Variants in PCDHA2 observed in about 807,000 individuals in gnomAD.
The protein encoded by PCDHA2 is protocadherin alpha-2.
PCDHA2 carries 58 observed loss-of-function variants against 66.0 expected under a neutral mutation model. That is an observed-to-expected ratio of 0.88 (90% CI 0.71 to 1.09). PCDHA2 has a LOEUF of 1.09. PCDHA2 is among the 50% of genes least tolerant of loss of function. PCDHA2 has a pLI of 0.00. For synonymous variants in PCDHA2, 634 were observed against 554.0 expected (o/e 1.14, Z -2.03); for missense variants, 1,267 against 1,242.3 (o/e 1.02, Z -0.30).
chr5:140,836,103 G>C, intron 1 of PCDHA2: 1 of 1,613,736 alleles, frequency 6.2e-7, no homozygotes, highest in Non-Finnish European at 8.5e-7. Flanking sequence ...GGGTGGCACT[G>C]GTGGCGCAGT....
At chr5:140,808,356 C>T (rs1554124492) in intron 1 of PCDHA2, 38 of 1,614,212 alleles carry the variant, frequency 2.4e-5, no homozygotes, top group Non-Finnish European at 3.2e-5. Flanking sequence ...TGCTCCTTGA[C>T]GTCCCACGTC....
intron 1 of PCDHA2, among the ~76,000 whole-genome samples, chr5:140,893,391 G>A (rs1481818388): frequency 6.6e-6 from 1 of 152,158 alleles, no homozygotes; most frequent in Non-Finnish European, 1.5e-5. Context: ...AGTGGCTCAT[G>A]CCTGTAATCC....
At chr5:140,966,522 G>A (rs1350046535) in intron 1 of PCDHA2, 2 of 437,040 alleles carry the variant, frequency 4.6e-6, no homozygotes, top group Non-Finnish European at 7.9e-6. Flanking sequence ...GCAGGAAGCC[G>A]AGCCGGGTTG....
intron 2 of PCDHA2, among the ~76,000 whole-genome samples, chr5:140,981,266 A>C (rs1355658823): frequency 6.6e-6 from 1 of 152,166 alleles, no homozygotes; most frequent in Non-Finnish European, 1.5e-5. Context: ...AAGATAAGCA[A>C]ATGTCTAGTT....
At chr5:140,802,067 G>T in intron 1 of PCDHA2, 1 of 1,614,120 alleles carries the variant, frequency 6.2e-7, no homozygotes, top group East Asian at 2.2e-5. Flanking sequence ...CAGATATTCT[G>T]TCAAAATTCC....
At chr5:140,884,520 C>A (rs782029549) in intron 1 of PCDHA2, 1 of 1,614,036 alleles carries the variant, frequency 6.2e-7, no homozygotes, top group Non-Finnish European at 8.5e-7. Flanking sequence ...TGGTCGTACT[C>A]GCAGCAGAGG....
At chr5:140,914,802 T>C (rs2076849351) in intron 1 of PCDHA2, among the ~76,000 whole-genome samples, 1 of 152,202 alleles carries the variant, frequency 6.6e-6, no homozygotes, top group African/African-American at 2.4e-5. Flanking sequence ...TTTAAACTGA[T>C]GGCAACTTAA....
chr5:140,850,739 G>A, intron 1 of PCDHA2: 2 of 1,598,040 alleles, frequency 1.3e-6, no homozygotes, highest in Non-Finnish European at 1.7e-6. Context: ...TGGGGAGTTG[G>A]TCGTACTCGC....
In PCDHA2 at chr5:140,797,084, T is replaced by C. The variant is rs139680439; in HGVS notation, c.2120T>C (p.Val707Ala). The C allele has an allele frequency of 3.9e-5, 63 of 1,613,900 alleles. 1 individual carries two copies. The African/African-American group carries it at 7.7e-4, about 20-fold the overall frequency. The change falls in exon 1 of 4, where the codon GTA becomes GCA. Residue 707 changes from valine (V) to alanine (A), a missense_variant. Coordinates refer to ENST00000526136, the MANE Select transcript of PCDHA2 (RefSeq NM_018905.3). Reference sequence around the variant, plus strand: ...TACCTGATCATCGCCATCTGCGCGGTATCCAGCCTGTTGGTGCTCACGGTG... The same window carrying C: ...TACCTGATCATCGCCATCTGCGCGGCATCCAGCCTGTTGGTGCTCACGGTG... ...NVYLIIAICA[V>A]SSLLVLTVLL...
intron 1 of PCDHA2, among the ~76,000 whole-genome samples, chr5:140,908,899 C>CT (rs1382483322): frequency 6.6e-6 from 1 of 152,194 alleles, no homozygotes; most frequent in Non-Finnish European, 1.5e-5. Flanking sequence ...AAATAAGCCT[C>CT]TTTCGTGGTT....
chr5:140,893,388 CATG>C (rs2063965035), intron 1 of PCDHA2, among the ~76,000 whole-genome samples: 1 of 152,132 alleles, frequency 6.6e-6, no homozygotes, highest in South Asian at 2.1e-4. Context: ...GACAGTGGCT[CATG>C]CCTGTAATCC....
At chr5:140,978,520 C>T (rs2096807249) in intron 1 of PCDHA2, among the ~76,000 whole-genome samples, 1 of 152,214 alleles carries the variant, frequency 6.6e-6, no homozygotes, top group Non-Finnish European at 1.5e-5. Flanking sequence ...GCAGTCCAGC[C>T]AGGCCAGCAG....
Position 140,821,939 on chromosome 5 carries a change from T to A in PCDHA2, c.2388+24587T>A, listed in dbSNP as rs1489594873. 36 of 1,614,162 alleles carry A rather than the reference T, an allele frequency of 2.2e-5. No homozygotes were observed. Among genetic ancestry groups the A allele is most frequent in the Non-Finnish European group, 2.7e-5 (32 of 1,180,042 alleles). ...ATCGCGCAGGACCTAGGGCTGGAGCTGGCGGAGCTGGTGCCGCGCCTGTTC... is the reference window on the plus strand; with the variant it reads ...ATCGCGCAGGACCTAGGGCTGGAGCAGGCGGAGCTGGTGCCGCGCCTGTTC... On this transcript the variant is annotated intron_variant, in intron 1 of 3. Coordinates refer to ENST00000526136, the MANE Select transcript of PCDHA2 (RefSeq NM_018905.3).
In PCDHA2 at chr5:140,982,563, G is replaced by C; in HGVS notation, c.2536G>C (p.Glu846Gln). 3 of 1,614,072 alleles carry C rather than the reference G, an allele frequency of 1.9e-6. No homozygotes were observed. The highest frequency in any genetic ancestry group is 2.5e-6 in the Non-Finnish European group (3 of 1,179,960). The change falls in exon 3 of 4, where the codon GAA (glutamate) becomes CAA (glutamine). Residue 846 changes from glutamate (E) to glutamine (Q), a missense_variant and splice_region_variant. By Grantham distance (29) the Glu-to-Gln change is conservative (BLOSUM62 2). Transcript: ENST00000526136. Reference protein sequence around the residue: ...QWPTVSSATPEPEAGEVSPPV... With the variant: ...QWPTVSSATPQPEAGEVSPPV... Reference sequence around the variant, plus strand: ...GCCAACAGTATCCAGTGCAACACCAGGTAAAGAGCTGGGGTCTCTCCATTC... The same window carrying C: ...GCCAACAGTATCCAGTGCAACACCACGTAAAGAGCTGGGGTCTCTCCATTC...
chr5:140,927,630 A>G (rs1408351955), intron 1 of PCDHA2: 3 of 1,614,064 alleles, frequency 1.9e-6, no homozygotes, highest in Non-Finnish European at 2.5e-6. Flanking sequence ...CAGAGACTGC[A>G]CCCAATGGGA....
At chr5:140,919,976 G>A (rs552658832) in intron 1 of PCDHA2, among the ~76,000 whole-genome samples, 1 of 134,018 alleles carries the variant, frequency 7.5e-6, no homozygotes, top group Non-Finnish European at 1.7e-5. Context: ...ATAAGAGATA[G>A]AAGATGGAAA....
intron 1 of PCDHA2, among the ~76,000 whole-genome samples, chr5:140,840,158 A>G (rs2150304038): frequency 1.3e-5 from 2 of 152,010 alleles, no homozygotes; most frequent in Admixed American, 1.3e-4. Context: ...GAAAGGAGAG[A>G]TGGGATGTAT....
intron 1 of PCDHA2, chr5:140,856,583 C>T: frequency 1.9e-6 from 3 of 1,597,002 alleles, no homozygotes; most frequent in Non-Finnish European, 2.6e-6. Flanking sequence ...GTATTTTGTT[C>T]TTGATATTAT....
intron 1 of PCDHA2, chr5:140,808,898 G>T (rs1764297648): frequency 6.2e-7 from 1 of 1,613,362 alleles, no homozygotes; most frequent in Non-Finnish European, 8.5e-7. Context: ...GCCTCGGGCG[G>T]GTGGCACTGG....
Sources: allele counts gnomAD v4.1 joint callset (sites outside exome capture counted in the v4.1 genomes callset), GRCh38; gene constraint gnomAD v4.1.1; transcripts MANE v1.5; gene names NCBI Gene and HGNC (gene_info 2026-07-23, HGNC 2026-07-21).